REEP1: variants seen among roughly 807,000 people sequenced by gnomAD.
REEP1 encodes receptor accessory protein 1, also known as receptor expression-enhancing protein 1.
A neutral mutation model predicts 40.3 loss-of-function variants in REEP1; 22 were observed. That is an observed-to-expected ratio of 0.55 (90% confidence interval 0.39 to 0.78). REEP1 has a LOEUF of 0.78. Ranked by LOEUF, REEP1 falls within the 30% of genes least tolerant of loss-of-function variation. The pLI is 0.00. For missense variants in REEP1, 280 were observed against 361.1 expected (o/e 0.78, Z 1.82); for synonymous variants, 116 against 139.2 (o/e 0.83, Z 1.17).
chr2:86,232,200 G>A (rs772443134), intron 6 of REEP1, among the ~76,000 whole-genome samples: 6 of 152,286 alleles, frequency 3.9e-5, no homozygotes, highest in East Asian at 3.9e-4. Flanking sequence ...AAGAGGGCCC[G>A]TGAGAGCAGT....
chr2:86,298,818 G>A (rs1008287011), intron 1 of REEP1, among the ~76,000 whole-genome samples: 8 of 152,202 alleles, frequency 5.3e-5, no homozygotes, highest in East Asian at 1.9e-4. Context: ...AAAGGGGATC[G>A]CTTTTTGCTG....
rs954912309 is a variant in REEP1, at chr2:86,231,075, C to A, written c.595+1550G>T. ...ATGAGTGAGTGACCATGGGCACTGG[C>A]CCCGGAGTCAGAAGGCCACGCTCTA... is the stretch of plus-strand genomic sequence containing the variant. On this transcript the variant is annotated intron_variant, in intron 6 of 8. Transcript: ENST00000538924. Among the ~76,000 whole-genome samples the A allele has an allele frequency of 2.0e-5, 3 of 152,322 alleles. No homozygotes were observed. In the East Asian group the frequency reaches 5.8e-4, roughly 29 times the overall value.
At position 86,215,023 on chromosome 2, in the gene REEP1, C is replaced by CTTTTTTTTTTTTTTTTTTTTTTTTTTTT. The variant is rs11350708; in HGVS notation, c.*2015_*2016insAAAAAAAAAAAAAAAAAAAAAAAAAAAA. ...AAAAATTGCTAAGAAGCTGTGTAAG[C>CTTTTTTTTTTTTTTTTTTTTTTTTTTTT]TTTTTTTTTTTTTTTTTTTTTTTGC... On this transcript the variant is annotated 3_prime_UTR_variant, in exon 9 of 9. Transcript: ENST00000538924. The CTTTTTTTTTTTTTTTTTTTTTTTTTTTT allele has an allele frequency of 5.0e-5, 3 of 59,558 alleles. No homozygotes were observed. The highest frequency in any genetic ancestry group is 9.6e-4 in the South Asian group (1 of 1,044). 3.7% of individuals were successfully genotyped at this position (59,558 alleles called of 1,614,324 possible). A position where few individuals can be genotyped will look rare whatever the true frequency, so the allele number is the denominator to read the frequency against.
At chr2:86,284,078 G>A (rs760849448) in intron 1 of REEP1, among the ~76,000 whole-genome samples, 1 of 152,126 alleles carries the variant, frequency 6.6e-6, no homozygotes, top group African/African-American at 2.4e-5. Flanking sequence ...CAGGCCAAGG[G>A]GGAGGTGGCT....
At chr2:86,304,115 T>G (rs1029694961) in intron 1 of REEP1, among the ~76,000 whole-genome samples, 4 of 152,216 alleles carry the variant, frequency 2.6e-5, no homozygotes, top group African/African-American at 9.6e-5. Context: ...ACCCAGGCTG[T>G]GAAGGGAACC....
intron 1 of REEP1, among the ~76,000 whole-genome samples, chr2:86,332,436 A>AACACACACACACAC (rs55793634): frequency 1.9e-3 from 259 of 136,228 alleles, no homozygotes; most frequent in African/African-American, 6.1e-3. Flanking sequence ...CTTTCCTGGA[A>AACACACACACACAC]ACACACACAC....
chr2:86,308,334 A>G (rs1270654598), intron 1 of REEP1, among the ~76,000 whole-genome samples: 1 of 152,204 alleles, frequency 6.6e-6, no homozygotes, highest in Admixed American at 6.5e-5. Context: ...ATGTTTTAAA[A>G]GGTTGATGCC....
chr2:86,299,757 T>C (rs968534897), intron 1 of REEP1, among the ~76,000 whole-genome samples: 1 of 152,232 alleles, frequency 6.6e-6, no homozygotes, highest in Non-Finnish European at 1.5e-5. Context: ...TAAACTATGG[T>C]TTAACTTCTT....
chr2:86,276,886 CCT>C (rs1677783250), intron 2 of REEP1, among the ~76,000 whole-genome samples: 1 of 152,146 alleles, frequency 6.6e-6, no homozygotes, highest in Non-Finnish European at 1.5e-5. Flanking sequence ...AAGGAGATCC[CCT>C]GTTCATTCAT....
chr2:86,263,954 G>A lies in REEP1; in HGVS notation c.182+11C>T, dbSNP rs1677002785. The A allele has an allele frequency of 2.5e-6, 4 of 1,603,924 alleles. No homozygotes were observed. Among genetic ancestry groups the A allele is most frequent in the Middle Eastern group, 1.7e-4 (1 of 6,040 alleles). ...TGTCCTTAGAAACATCCCAACTCCT[G>A]GAGTACTTACCAACAAAGGAAGATG... On this transcript the variant is annotated intron_variant, in intron 3 of 8. Coordinates refer to ENST00000538924, the MANE Select transcript of REEP1 (RefSeq NM_001371279.1).
intron 1 of REEP1, among the ~76,000 whole-genome samples, chr2:86,287,802 A>G (rs1325207460): frequency 2.6e-5 from 4 of 152,072 alleles, no homozygotes; most frequent in Non-Finnish European, 5.9e-5. Context: ...ACTCACCACT[A>G]TCCTGAATTT....
intron 1 of REEP1, among the ~76,000 whole-genome samples, chr2:86,330,809 T>A (rs1391062266): frequency 1.3e-5 from 2 of 152,098 alleles, no homozygotes; most frequent in Admixed American, 6.6e-5. Flanking sequence ...TCTCAGTGAA[T>A]GCGATGAGCA....
intron 5 of REEP1, among the ~76,000 whole-genome samples, chr2:86,244,447 T>C (rs916480738): frequency 6.6e-6 from 1 of 152,190 alleles, no homozygotes; most frequent in Non-Finnish European, 1.5e-5. Flanking sequence ...GTTCAGATGC[T>C]AAGGGCTATA....
intron 2 of REEP1, among the ~76,000 whole-genome samples, chr2:86,264,846 T>C (rs1252935699): frequency 1.3e-5 from 2 of 152,122 alleles, no homozygotes; most frequent in Admixed American, 1.3e-4. Context: ...GGTTCAAGCT[T>C]TGGAGCACGG....
chr2:86,297,471 T>C (rs1284504114), intron 1 of REEP1, among the ~76,000 whole-genome samples: 2 of 152,234 alleles, frequency 1.3e-5, no homozygotes, highest in African/African-American at 4.8e-5. Flanking sequence ...CAGAGGACCA[T>C]GGACTATGGT....
At chr2:86,233,879 G>A (rs983860502) in intron 5 of REEP1, among the ~76,000 whole-genome samples, 11 of 152,060 alleles carry the variant, frequency 7.2e-5, no homozygotes, top group Non-Finnish European at 1.5e-5. Context: ...ATGAAGGAAA[G>A]AGTGGTCCCA....
At chr2:86,227,304 T>G (rs2104009872) in intron 7 of REEP1, 59 bp downstream of exon 7, 1 of 1,226,798 alleles carries the variant, frequency 8.2e-7, no homozygotes, top group South Asian at 4.1e-5. Flanking sequence ...CACTCCTGGT[T>G]AGAAGCTCTT....
intron 3 of REEP1, 130 bp downstream of exon 3, chr2:86,263,835 T>A: frequency 1.4e-6 from 1 of 737,010 alleles, no homozygotes; most frequent in South Asian, 1.4e-5. Context: ...AATGCTCCAG[T>A]TAACATCCCT....
At chr2:86,304,933 A>G (rs1228242916) in intron 1 of REEP1, among the ~76,000 whole-genome samples, 1 of 152,224 alleles carries the variant, frequency 6.6e-6, no homozygotes, top group African/African-American at 2.4e-5. Flanking sequence ...AGAGAGACGG[A>G]TGTCTCCAGA....
Sources: gnomAD v4.1 joint callset for allele counts (sites outside exome capture counted in the v4.1 genomes callset) on GRCh38, gnomAD v4.1.1 for gene constraint, MANE v1.5 for transcripts, NCBI Gene and HGNC (gene_info 2026-07-23, HGNC 2026-07-21) for gene names.